Variants in MRC1 observed in about 807,000 individuals in gnomAD.
MRC1 encodes macrophage mannose receptor 1.
In MRC1, 62 loss-of-function variants were observed where a neutral mutation model predicts 102.9. The ratio of observed to expected loss-of-function variants is 0.60; its 90% CI spans 0.49 to 0.74. MRC1 has a LOEUF of 0.74. Among genes scored for constraint, MRC1 ranks in the 30% least tolerant of loss-of-function variants. The probability of loss-of-function intolerance (pLI) is 0.00; values close to 1 mark genes in which losing one functional copy is unlikely to be tolerated. For synonymous variants in MRC1, 457 were observed against 298.4 expected, an observed-to-expected ratio of 1.53 and a Z score of -5.48; for missense variants, 1,237 against 862.8, an observed-to-expected ratio of 1.43 and a Z score of -5.43.
intron 2 of MRC1, 106 bp downstream of exon 2, chr10:17,823,581 T>C (rs1838430538): frequency 1.3e-6 from 1 of 753,194 alleles, no homozygotes; most frequent in African/African-American, 1.7e-5. Context: ...GTACTAGAAA[T>C]ATCAATTGAT....
At chr10:17,907,093 G>T (rs1833905181) in intron 27 of MRC1, 94 bp downstream of exon 27, 7 of 731,792 alleles carry the variant, frequency 9.6e-6, no homozygotes, top group Non-Finnish European at 1.5e-5. Context: ...CCTTAAAAAT[G>T]ATTAATTCAT....
chr10:17,831,537 A>G (rs1838572499), intron 3 of MRC1, among the ~76,000 whole-genome samples: 1 of 151,438 alleles, frequency 6.6e-6, no homozygotes, highest in Middle Eastern at 3.2e-3. Flanking sequence ...AAGGTCTATG[A>G]TCGCTTCCTC....
chr10:17,903,912 C>T (rs1411489773), intron 26 of MRC1, among the ~76,000 whole-genome samples: 2 of 151,784 alleles, frequency 1.3e-5, no homozygotes, highest in Admixed American at 6.6e-5. Context: ...GCTGAGATCA[C>T]GTCACTGCAC....
At chr10:17,879,241 G>A (rs1438775527) in intron 18 of MRC1, among the ~76,000 whole-genome samples, 9 of 152,154 alleles carry the variant, frequency 5.9e-5, no homozygotes, top group South Asian at 2.1e-4. Context: ...TTGCTACTGC[G>A]GAGCATGATG....
chr10:17,878,792 A>G (rs1055145080), intron 18 of MRC1, among the ~76,000 whole-genome samples: 37 of 152,216 alleles, frequency 2.4e-4, no homozygotes, highest in Middle Eastern at 3.4e-3. Context: ...CCTCCCAAGT[A>G]GCTGGGATGA....
At chr10:17,840,636 A>G (rs896809226) in intron 4 of MRC1, 57 bp from the exon 5 acceptor site, 5 of 776,832 alleles carry the variant, frequency 6.4e-6, no homozygotes, top group Non-Finnish European at 1.2e-5. Context: ...TTTAATTTCA[A>G]CTGTTTTCTG....
intron 6 of MRC1, among the ~76,000 whole-genome samples, chr10:17,847,707 G>A (rs1838846501): frequency 6.6e-6 from 1 of 152,218 alleles, no homozygotes; most frequent in Non-Finnish European, 1.5e-5. Context: ...GCTGTGGCTA[G>A]AGGAACAAAT....
rs570407316 is a variant in MRC1, at chr10:17,823,518, G to A, written c.463+43G>A. 1,872 of 780,028 alleles carry A rather than the reference G, an allele frequency of 2.4e-3. 20 individuals are homozygous for A. The African/African-American group carries it at 0.026, about 11-fold the overall frequency. The allele number at this position is 780,028 out of a possible 1,614,324, so 48.3% of individuals were successfully genotyped here. A position where few individuals can be genotyped will look rare whatever the true frequency, so the allele number is the denominator to read the frequency against. On this transcript the variant is annotated intron_variant, in intron 2 of 29. Coordinates refer to ENST00000569591, the MANE Select transcript of MRC1 (RefSeq NM_002438.4). ...TTCACCTTCGTGTTGAAATTTTCTC[G>A]TCTTCTTAGTTGGAACCTGATTCAA...
In MRC1 at chr10:17,866,652, G is replaced by T; in HGVS notation, c.1874G>T (p.Cys625Phe). ...LKCDEKAKFV[C>F]KHWAEGVTHP... ...TGTGATGAAAAGGCAAAATTTGTGT[G>T]CAAGCACTGGGCAGAAGGAGTAACC... The change falls in exon 12 of 30, where the codon TGC becomes TTC. Residue 625 changes from cysteine to phenylalanine, a missense_variant. Coordinates refer to ENST00000569591, the MANE Select transcript of MRC1 (RefSeq NM_002438.4). 1 of 780,856 alleles carries T rather than the reference G, an allele frequency of 1.3e-6. No individual in the cohort carries two copies. The highest frequency in any genetic ancestry group is 1.3e-5 in the South Asian group (1 of 74,624). The allele number at this position is 780,856 out of a possible 1,614,324, so 48.4% of individuals were successfully genotyped here.
At chr10:17,816,277 C>G (rs1554837881) in intron 1 of MRC1, among the ~76,000 whole-genome samples, 3 of 152,202 alleles carry the variant, frequency 2.0e-5, no homozygotes, top group African/African-American at 4.8e-5. Context: ...CCCCAAGAAG[C>G]TGTCCTCAGA....
At chr10:17,833,382 A>T (rs1296143769) in intron 3 of MRC1, among the ~76,000 whole-genome samples, 1 of 151,954 alleles carries the variant, frequency 6.6e-6, no homozygotes, top group Non-Finnish European at 1.5e-5. Flanking sequence ...TTAGCCAGGC[A>T]TGGTGGTGCA....
chr10:17,809,493 G>A lies in MRC1; in HGVS notation c.28G>A (p.Ala10Thr). MRLPLLLVF[A>T]SVIPGAVLLL... ...GAGGCTACCCCTGCTCCTGGTTTTT[G>A]CCTCTGTCATTCCGGGTGCTGTTCT... The change falls in exon 1 of 30, where the codon GCC (alanine) becomes ACC (threonine). Residue 10 changes from alanine to threonine, a missense_variant. Physicochemically the swap from Ala to Thr is moderately conservative, Grantham distance 58. Coordinates refer to ENST00000569591, the MANE Select transcript of MRC1 (RefSeq NM_002438.4). 2.3e-6 allele frequency: 2 copies of A among 872,740 alleles called. No homozygotes were observed. Among genetic ancestry groups the A allele is most frequent in the South Asian group, 2.6e-5 (2 of 76,542 alleles). The allele number at this position is 872,740 out of a possible 1,614,324, so 54.1% of individuals were successfully genotyped here. A position where few individuals can be genotyped will look rare whatever the true frequency, so the allele number is the denominator to read the frequency against.
At chr10:17,897,942 AT>A (rs1420463033) in intron 23 of MRC1, 91 bp from the exon 24 acceptor site, 17 of 773,318 alleles carry the variant, frequency 2.2e-5, no homozygotes, top group Non-Finnish European at 4.1e-5. Context: ...TACTTTGCTT[AT>A]TTTTATGATA....
intron 28 of MRC1, among the ~76,000 whole-genome samples, chr10:17,908,940 C>G (rs1169406568): frequency 1.3e-5 from 2 of 152,130 alleles, no homozygotes; most frequent in African/African-American, 4.8e-5. Flanking sequence ...TTTCAAAACC[C>G]CTAGCCTTGA....
intron 15 of MRC1, among the ~76,000 whole-genome samples, chr10:17,872,490 G>A (rs1055643037): frequency 6.4e-4 from 97 of 152,260 alleles, no homozygotes; most frequent in African/African-American, 2.1e-3. Context: ...TCTGACCTAC[G>A]TTAATCATCA....
chr10:17,866,438 C>A, intron 11 of MRC1, 124 bp from the exon 12 acceptor site: 4 of 768,232 alleles, frequency 5.2e-6, no homozygotes, highest in South Asian at 1.4e-5. Flanking sequence ...TACAAACCCC[C>A]CTGCATCTGA....
chr10:17,830,108 T>G (rs908105232), intron 3 of MRC1, among the ~76,000 whole-genome samples: 1 of 151,400 alleles, frequency 6.6e-6, no homozygotes, highest in Admixed American at 6.6e-5. Context: ...TTGTGTTCTT[T>G]TCAAAAGAGT....
At chr10:17,828,023 G>A (rs1554838790) in intron 3 of MRC1, among the ~76,000 whole-genome samples, 1 of 152,150 alleles carries the variant, frequency 6.6e-6, no homozygotes, top group South Asian at 2.1e-4. Flanking sequence ...ATGCTAAGAG[G>A]ACTAGACTGT....
At chr10:17,832,347 G>C (rs1477005623) in intron 3 of MRC1, among the ~76,000 whole-genome samples, 5 of 150,818 alleles carry the variant, frequency 3.3e-5, no homozygotes, top group Admixed American at 6.6e-5. Flanking sequence ...ACAAGGTCAG[G>C]AGATCGAGAC....
Sources: allele counts gnomAD v4.1 joint callset (sites outside exome capture counted in the v4.1 genomes callset), GRCh38; gene constraint gnomAD v4.1.1; transcripts MANE v1.5; gene names NCBI Gene and HGNC (gene_info 2026-07-23, HGNC 2026-07-21).